Variants in IQCB1 observed in about 807,000 individuals in gnomAD.
IQCB1 encodes the protein IQ calmodulin-binding motif-containing protein 1.
Under a neutral mutation model 84.4 loss-of-function variants are expected in IQCB1, and 56 were observed. The observed-to-expected ratio is 0.66, with a 90% CI of 0.54 to 0.83. The LOEUF is 0.83. Among genes scored for constraint, IQCB1 ranks in the 40% least tolerant of loss-of-function variants. IQCB1 has a pLI of 0.00. For missense variants in IQCB1, 629 were observed against 682.1 expected, an observed-to-expected ratio of 0.92 and a Z score of 0.87; for synonymous variants, 210 against 234.8, an observed-to-expected ratio of 0.89 and a Z score of 0.96.
In IQCB1 at chr3:121,775,309, T is replaced by A. The variant is rs552740411; in HGVS notation, c.1411-2596A>T. Among the ~76,000 whole-genome samples the A allele has an allele frequency of 7.8e-4, 119 of 152,220 alleles. 1 individual carries two copies. The South Asian group carries it at 0.024, about 30-fold the overall frequency. ...CTATGCAGCCATAAAAAAGGATGAG[T>A]TTATGTCCTTTGCAGAGACATGGAT... On this transcript the variant is annotated intron_variant, in intron 13 of 14. Transcript: ENST00000310864.
chr3:121,799,295 T>G lies in IQCB1; in HGVS notation c.667A>C (p.Ser223Arg), dbSNP rs1339134712. ...EVIFKLFSTP[S>R]PVIRSTATKL... is the part of the protein sequence containing the mutation. The stretch of plus-strand genomic sequence containing the variant: ...GTAGCAGTACTTCTTATAACTGGAC[T>G]AGGAGTTGAAAAAAGCTTGAAAATA... The change falls in exon 8 of 15, where the codon AGT (serine) becomes CGT (arginine). Residue 223 changes from serine to arginine, a missense_variant. Coordinates refer to ENST00000310864, the MANE Select transcript of IQCB1 (RefSeq NM_001023570.4). 11 of 1,606,732 alleles carry G rather than the reference T, an allele frequency of 6.8e-6. No homozygotes were observed. Among genetic ancestry groups the G allele is most frequent in the Non-Finnish European group, 9.4e-6 (11 of 1,174,476 alleles).
chr3:121,778,403 A>G (rs1948321525), intron 13 of IQCB1, among the ~76,000 whole-genome samples: 1 of 152,318 alleles, frequency 6.6e-6, no homozygotes, highest in South Asian at 2.1e-4. Flanking sequence ...TACTCCCTCA[A>G]TCTACACAAA....
chr3:121,783,733 T>C (rs1047224322), intron 12 of IQCB1, among the ~76,000 whole-genome samples: 1 of 152,208 alleles, frequency 6.6e-6, no homozygotes, highest in African/African-American at 2.4e-5. Flanking sequence ...TGTCATCCTG[T>C]GGTCTCCATT....
intron 2 of IQCB1, among the ~76,000 whole-genome samples, chr3:121,833,202 C>T (rs1270494439): frequency 1.3e-5 from 2 of 152,270 alleles, no homozygotes; most frequent in East Asian, 3.9e-4. Context: ...TATTAAAGCC[C>T]AGTTCTACCA....
intron 8 of IQCB1, 151 bp from the exon 9 acceptor site, chr3:121,797,378 G>A: frequency 2.1e-6 from 1 of 469,288 alleles, no homozygotes; most frequent in South Asian, 4.0e-5. Flanking sequence ...CCTTTTCTCA[G>A]AGAATTCCAG....
At chr3:121,781,036 T>TA (rs1174719627) in intron 13 of IQCB1, among the ~76,000 whole-genome samples, 2 of 152,160 alleles carry the variant, frequency 1.3e-5, no homozygotes, top group Non-Finnish European at 2.9e-5. Context: ...ACTTTCTCCA[T>TA]AAAATTACAT....
intron 7 of IQCB1, among the ~76,000 whole-genome samples, chr3:121,805,988 T>C (rs1949588720): frequency 2.0e-5 from 3 of 152,160 alleles, no homozygotes; most frequent in African/African-American, 4.8e-5. Flanking sequence ...CTCTCAATAC[T>C]GTAAGTTAGA....
intron 5 of IQCB1, among the ~76,000 whole-genome samples, chr3:121,809,838 G>A (rs140132262): frequency 2.9e-4 from 44 of 151,700 alleles, no homozygotes; most frequent in African/African-American, 1.0e-3. Context: ...GATGAGACCC[G>A]CAAAAATATT....
intron 10 of IQCB1, among the ~76,000 whole-genome samples, chr3:121,793,884 A>AT (rs1185827724): frequency 1.3e-5 from 2 of 152,208 alleles, no homozygotes; most frequent in Non-Finnish European, 2.9e-5. Flanking sequence ...AAGAGAGAGT[A>AT]TATGAGCAAA....
At chr3:121,791,152 C>T (rs1432669480) in intron 10 of IQCB1, among the ~76,000 whole-genome samples, 4 of 152,018 alleles carry the variant, frequency 2.6e-5, no homozygotes, top group Admixed American at 6.5e-5. Flanking sequence ...CTTAGTTTAC[C>T]GCTATAGACT....
chr3:121,800,622 G>A (rs988964033), intron 7 of IQCB1, among the ~76,000 whole-genome samples: 1 of 151,748 alleles, frequency 6.6e-6, no homozygotes, highest in Non-Finnish European at 1.5e-5. Flanking sequence ...TAAAAAATAT[G>A]CTCATCTCAG....
intron 5 of IQCB1, among the ~76,000 whole-genome samples, chr3:121,823,851 C>A (rs1331228369): frequency 6.6e-6 from 1 of 152,068 alleles, no homozygotes; most frequent in Non-Finnish European, 1.5e-5. Flanking sequence ...AGTCAATACA[C>A]TATTTAAAGT....
intron 5 of IQCB1, among the ~76,000 whole-genome samples, chr3:121,813,183 T>G (rs1949901531): frequency 6.6e-6 from 1 of 151,824 alleles, no homozygotes; most frequent in African/African-American, 2.4e-5. Flanking sequence ...TTATGAAGCT[T>G]ATGAAGGAGA....
At chr3:121,815,513 G>A (rs978908999) in intron 5 of IQCB1, among the ~76,000 whole-genome samples, 3 of 152,220 alleles carry the variant, frequency 2.0e-5, no homozygotes, top group South Asian at 2.1e-4. Flanking sequence ...AAACCCCATC[G>A]TCTCAGCCCA....
chr3:121,830,922 CCACT>C (rs1359118102), intron 2 of IQCB1, among the ~76,000 whole-genome samples: 2 of 152,196 alleles, frequency 1.3e-5, no homozygotes, highest in Non-Finnish European at 2.9e-5. Flanking sequence ...CTGGGTTTCC[CCACT>C]CAGTCTGTTA....
At chr3:121,825,302 C>T (rs908136358) in intron 5 of IQCB1, among the ~76,000 whole-genome samples, 9 of 152,108 alleles carry the variant, frequency 5.9e-5, no homozygotes, top group Admixed American at 1.3e-4. Context: ...TCAGGTGATC[C>T]GCCCGCCTCG....
chr3:121,820,808 T>G (rs748608064), intron 5 of IQCB1, among the ~76,000 whole-genome samples: 1 of 152,004 alleles, frequency 6.6e-6, no homozygotes, highest in Non-Finnish European at 1.5e-5. Context: ...GACCCTCTAT[T>G]TTTCCAAAGT....
intron 5 of IQCB1, among the ~76,000 whole-genome samples, chr3:121,810,964 A>G (rs1012362335): frequency 1.3e-5 from 2 of 152,180 alleles, no homozygotes; most frequent in African/African-American, 4.8e-5. Flanking sequence ...ATGCTCTACC[A>G]CTGAGTTAAA....
chr3:121,788,317 T>C lies in IQCB1; in HGVS notation c.1245A>G (p.Ile415Met), dbSNP rs1384647778. 6.2e-7 allele frequency: 1 copy of C among 1,613,998 alleles called. No homozygotes were observed. The highest frequency in any genetic ancestry group is 1.7e-5 in the Admixed American group (1 of 60,032). Residue 415 changes from isoleucine (I) to methionine (M), a missense_variant, in exon 12 of 15, where the codon ATA (isoleucine) becomes ATG (methionine). Ile to Met is a conservative substitution (Grantham distance 10). Coordinates refer to ENST00000310864, the MANE Select transcript of IQCB1 (RefSeq NM_001023570.4). ...KNFHQQRQSL[I>M]EYKAAVTLQR... ...GAAGTGTGACAGCTGCTTTATACTC[T>C]ATGAGAGACTGCCTCTGTTGGTGAA...
Sources: gnomAD v4.1 joint callset for allele counts (sites outside exome capture counted in the v4.1 genomes callset) on GRCh38, gnomAD v4.1.1 for gene constraint, MANE v1.5 for transcripts, NCBI Gene and HGNC (gene_info 2026-07-23, HGNC 2026-07-21) for gene names.